Variants in PXDN observed in about 807,000 individuals in gnomAD.
The protein encoded by PXDN is peroxidasin homolog.
A neutral mutation model predicts 140.3 loss-of-function variants in PXDN; 77 were observed. The observed-to-expected ratio is 0.55, with a 90% CI of 0.46 to 0.66. PXDN has a LOEUF of 0.66. Among genes scored for constraint, PXDN ranks in the 30% least tolerant of loss-of-function variants. The pLI, the probability that PXDN is intolerant of heterozygous loss-of-function variation, is 0.00. For synonymous variants in PXDN, 911 were observed against 857.4 expected (o/e 1.06, Z -1.09); for missense variants, 1,838 against 2,039.5 (o/e 0.90, Z 1.90).
intron 14 of PXDN, among the ~76,000 whole-genome samples, chr2:1,657,508 C>T (rs1035881150): frequency 6.7e-6 from 1 of 149,662 alleles, no homozygotes; most frequent in Non-Finnish European, 1.5e-5. Context: ...CACCTCCTGA[C>T]TAGGACGTCC....
chr2:1,646,035 C>T (rs1558487033), intron 17 of PXDN: 1 of 152,262 alleles, frequency 6.6e-6, no homozygotes, highest in Non-Finnish European at 1.5e-5. Flanking sequence ...AGGCCAACGC[C>T]ACGCCATCCA....
chr2:1,689,784 CAAA>C (rs59005952), intron 3 of PXDN, among the ~76,000 whole-genome samples: 72 of 118,362 alleles, frequency 6.1e-4, no homozygotes, highest in East Asian at 1.9e-3. Flanking sequence ...AACTCCACCT[CAAA>C]AAAAAAAAAA....
At chr2:1,661,574 C>A (rs966235489) in intron 13 of PXDN, among the ~76,000 whole-genome samples, 6 of 152,284 alleles carry the variant, frequency 3.9e-5, no homozygotes, top group African/African-American at 1.4e-4. Context: ...CCGCTGAGCA[C>A]TCTCCTTCCA....
chr2:1,732,736 G>A (rs928483320), intron 1 of PXDN, among the ~76,000 whole-genome samples: 1 of 152,174 alleles, frequency 6.6e-6, no homozygotes, highest in African/African-American at 2.4e-5. Flanking sequence ...TCTGGAATCT[G>A]CTTAAAAAAT....
chr2:1,734,408 G>A (rs554415972), intron 1 of PXDN, among the ~76,000 whole-genome samples: 7 of 152,264 alleles, frequency 4.6e-5, no homozygotes, highest in African/African-American at 1.4e-4. Context: ...GGCTGCTGAC[G>A]GATCAGGGTG....
chr2:1,666,129 G>A (rs1683428809), intron 10 of PXDN, 85 bp downstream of exon 10: 21 of 1,519,408 alleles, frequency 1.4e-5, no homozygotes, highest in Non-Finnish European at 1.9e-5. Flanking sequence ...ATTCTATGGA[G>A]CGTCTGTGGG....
intron 1 of PXDN, among the ~76,000 whole-genome samples, chr2:1,718,720 C>T (rs1056391887): frequency 6.6e-6 from 1 of 152,248 alleles, no homozygotes. Context: ...GTGTGTGGTC[C>T]CTTTACGGCT....
chr2:1,640,319 A>G (rs992444375), intron 19 of PXDN, among the ~76,000 whole-genome samples: 1 of 152,212 alleles, frequency 6.6e-6, no homozygotes, highest in Non-Finnish European at 1.5e-5. Flanking sequence ...GCAAATATGG[A>G]CCTTTGCAAA....
chr2:1,703,017 A>AACTC (rs1684476497), intron 1 of PXDN, among the ~76,000 whole-genome samples: 1 of 35,710 alleles, frequency 2.8e-5, no homozygotes, highest in Non-Finnish European at 4.8e-5. Flanking sequence ...TGAAGGGGGG[A>AACTC]CAGCTCCAGG....
Position 1,656,313 on chromosome 2 carries a change from T to G in PXDN, c.1838-1805A>C, listed in dbSNP as rs1015188184. Among the ~76,000 whole-genome samples, 14 of 152,244 alleles carry G rather than the reference T, an allele frequency of 9.2e-5. 1 individual carries two copies. Among genetic ancestry groups the G allele is most frequent in the Non-Finnish European group, 1.9e-4 (13 of 68,036 alleles). ...TAAACTAATTCCAACCAACTTTTAT[T>G]TTTAGTGATGAAAACAGCTCTAACC... is the stretch of plus-strand genomic sequence containing the variant. On this transcript the variant is annotated intron_variant, in intron 14 of 22. Coordinates refer to ENST00000252804, the MANE Select transcript of PXDN (RefSeq NM_012293.3).
At chr2:1,692,724 G>A (rs1558511436) in intron 2 of PXDN, among the ~76,000 whole-genome samples, 1 of 138,280 alleles carries the variant, frequency 7.2e-6, no homozygotes, top group Non-Finnish European at 1.7e-5. Context: ...ATCTTGCCAC[G>A]GAGGAGGTGC....
At chr2:1,737,740 T>C (rs1685453783) in intron 1 of PXDN, among the ~76,000 whole-genome samples, 1 of 152,118 alleles carries the variant, frequency 6.6e-6, no homozygotes, top group Non-Finnish European at 1.5e-5. Flanking sequence ...GGTTTTGCCA[T>C]GTTGGGCAGG....
At chr2:1,694,685 A>G (rs183468320) in intron 1 of PXDN, among the ~76,000 whole-genome samples, 1 of 152,342 alleles carries the variant, frequency 6.6e-6, no homozygotes, top group Admixed American at 6.5e-5. Context: ...CATATTCAGA[A>G]TATCACTAGT....
chr2:1,679,088 ATGTGTGTGTGTG>A (rs111613941), intron 7 of PXDN, among the ~76,000 whole-genome samples: 1 of 147,952 alleles, frequency 6.8e-6, no homozygotes, highest in Non-Finnish European at 1.5e-5. Context: ...ATGTGCATGC[ATGTGTGTGTGTG>A]TGTGTGTGTG....
intron 9 of PXDN, among the ~76,000 whole-genome samples, chr2:1,667,027 G>A (rs1204845473): frequency 6.6e-6 from 1 of 152,176 alleles, no homozygotes; most frequent in Non-Finnish European, 1.5e-5. Flanking sequence ...CATGCTGGCA[G>A]TGGGAGCACA....
At chr2:1,723,715 A>G (rs1206637298) in intron 1 of PXDN, among the ~76,000 whole-genome samples, 1 of 152,024 alleles carries the variant, frequency 6.6e-6, no homozygotes, top group Non-Finnish European at 1.5e-5. Flanking sequence ...TGGATGGATG[A>G]AAGGGGGGTT....
intron 1 of PXDN, among the ~76,000 whole-genome samples, chr2:1,709,681 C>T (rs554679929): frequency 6.6e-6 from 1 of 152,332 alleles, no homozygotes; most frequent in South Asian, 2.1e-4. Context: ...GTCACCCCCA[C>T]GCGGTGGTGT....
At chr2:1,728,298 G>A (rs543275913) in intron 1 of PXDN, among the ~76,000 whole-genome samples, 1 of 152,346 alleles carries the variant, frequency 6.6e-6, no homozygotes, top group African/African-American at 2.4e-5. Context: ...GGCCGGTTTC[G>A]CTTGAGGCGG....
At chr2:1,670,817 T>C (rs1683555557) in intron 9 of PXDN, among the ~76,000 whole-genome samples, 2 of 152,150 alleles carry the variant, frequency 1.3e-5, no homozygotes, top group African/African-American at 4.8e-5. Flanking sequence ...TGCTGTGCCC[T>C]CGGCATGAGA....
Sources: gnomAD v4.1 joint callset for allele counts (sites outside exome capture counted in the v4.1 genomes callset) on GRCh38, gnomAD v4.1.1 for gene constraint, MANE v1.5 for transcripts, NCBI Gene and HGNC (gene_info 2026-07-23, HGNC 2026-07-21) for gene names.